The following ABCA4 variants were observed in gnomAD, a reference collection of about 807,000 sequenced individuals.
The protein encoded by ABCA4 is ATP binding cassette subfamily A member 4.
A neutral mutation model predicts 263.7 loss-of-function variants in ABCA4; 196 were observed. The observed-to-expected ratio is 0.74, with a 90% CI of 0.66 to 0.84. The LOEUF (loss-of-function observed/expected upper bound fraction) is 0.84, where lower values mean the gene tolerates loss of function less well. ABCA4 is among the 40% of genes least tolerant of loss of function. The probability of loss-of-function intolerance (pLI) is 0.00; values close to 1 mark genes in which losing one functional copy is unlikely to be tolerated. For synonymous variants in ABCA4, 1,133 were observed against 1,094.2 expected, an observed-to-expected ratio of 1.04 and a Z score of -0.70; for missense variants, 2,792 against 2,855.1, an observed-to-expected ratio of 0.98 and a Z score of 0.50.
At chr1:94,118,881 G>A (rs576346904) in intron 1 of ABCA4, among the ~76,000 whole-genome samples, 4 of 152,336 alleles carry the variant, frequency 2.6e-5, no homozygotes, top group South Asian at 4.1e-4. Flanking sequence ...CGACATGAGC[G>A]CCACAGGAAT....
chr1:94,055,095 A>G lies in ABCA4; in HGVS notation c.2587+16T>C, dbSNP rs1660935920. 2 of 1,611,644 alleles carry G rather than the reference A, an allele frequency of 1.2e-6. No individual in the cohort carries two copies. ...AAGAACTCAATTACCTTTACCCTAT[A>G]GAGGAGGATGCTTACCTGGAAACAC... is the stretch of plus-strand genomic sequence containing the variant. On this transcript the variant is annotated intron_variant, in intron 16 of 49. Coordinates refer to ENST00000370225, the MANE Select transcript of ABCA4 (RefSeq NM_000350.3).
chr1:94,093,424 A>G (rs1662030243), intron 6 of ABCA4, among the ~76,000 whole-genome samples: 1 of 152,234 alleles, frequency 6.6e-6, no homozygotes, highest in African/African-American at 2.4e-5. Context: ...TTCTGTAGAG[A>G]TAAAACATAT....
At chr1:94,053,480 T>A (rs988439002) in intron 16 of ABCA4, among the ~76,000 whole-genome samples, 1 of 152,242 alleles carries the variant, frequency 6.6e-6, no homozygotes, top group Non-Finnish European at 1.5e-5. Context: ...AGGTACCTCA[T>A]AATGTGGCCT....
At chr1:94,085,617 T>A (rs1017752347) in intron 6 of ABCA4, among the ~76,000 whole-genome samples, 18 of 152,158 alleles carry the variant, frequency 1.2e-4, no homozygotes, top group African/African-American at 4.3e-4. Context: ...TCCAGTCATG[T>A]CGCTTTCCCT....
At chr1:94,068,325 G>A (rs1344909275) in intron 11 of ABCA4, among the ~76,000 whole-genome samples, 4 of 152,188 alleles carry the variant, frequency 2.6e-5, no homozygotes, top group Non-Finnish European at 5.9e-5. Flanking sequence ...CTAGATCAAG[G>A]TAGAGCAATT....
chr1:94,055,349 C>T (rs1239464472), intron 15 of ABCA4, 34 bp from the exon 16 acceptor site: 8 of 1,606,140 alleles, frequency 5.0e-6, no homozygotes, highest in African/African-American at 1.3e-5. Flanking sequence ...AGAAAAAGAG[C>T]AGTGCCTTTT....
intron 26 of ABCA4, among the ~76,000 whole-genome samples, chr1:94,036,122 A>T (rs1660330616): frequency 6.6e-6 from 1 of 152,000 alleles, no homozygotes; most frequent in Admixed American, 6.5e-5. Flanking sequence ...CCTGGTGGAG[A>T]TGACAGGAGG....
intron 11 of ABCA4, among the ~76,000 whole-genome samples, chr1:94,068,995 T>C (rs1661341677): frequency 1.3e-5 from 2 of 152,250 alleles, no homozygotes; most frequent in African/African-American, 4.8e-5. Flanking sequence ...TGAGCCCAAG[T>C]GGCAGGACCA....
chr1:94,046,472 A>AAAAAAAAAAAG (rs1553191034), intron 19 of ABCA4, among the ~76,000 whole-genome samples: 2 of 148,728 alleles, frequency 1.3e-5, no homozygotes, highest in African/African-American at 2.4e-5. Flanking sequence ...AAAAAAAAAA[A>AAAAAAAAAAAG]AAAAGAAAAG....
intron 32 of ABCA4, among the ~76,000 whole-genome samples, chr1:94,022,752 C>T (rs2101025229): frequency 6.6e-6 from 1 of 152,300 alleles, no homozygotes; most frequent in South Asian, 2.1e-4. Flanking sequence ...TGAATCACTG[C>T]CTCACTCCTA....
chr1:94,072,971 C>A (rs946858946), intron 11 of ABCA4, among the ~76,000 whole-genome samples: 1 of 152,094 alleles, frequency 6.6e-6, no homozygotes, highest in Non-Finnish European at 1.5e-5. Context: ...GTGGTTAGGC[C>A]GCCCTCCTGG....
intron 30 of ABCA4, among the ~76,000 whole-genome samples, chr1:94,028,990 G>A (rs1330373612): frequency 6.8e-6 from 1 of 146,226 alleles, no homozygotes; most frequent in Non-Finnish European, 1.5e-5. Context: ...TCTATTTATT[G>A]ACATGGATGC....
rs145681797 is a variant in ABCA4, at chr1:94,031,118, G to C, written c.4131C>G (p.Ile1377Met). 1.9e-6 allele frequency: 3 copies of C among 1,614,082 alleles called. No individual in the cohort carries two copies. The highest frequency in any genetic ancestry group is 3.3e-5 in the Admixed American group (2 of 60,010). The change falls in exon 28 of 50, where the codon ATC becomes ATG. Residue 1377 changes from isoleucine (I) to methionine (M), a missense_variant and splice_region_variant. Coordinates refer to ENST00000370225, the MANE Select transcript of ABCA4 (RefSeq NM_000350.3). ...AAAACACAAAGGTAGCCGGGAGCAC[G>C]ATCTGTGGGAGAATAGACGTGGAAT... ...IRSHKDFLAQ[I>M]VLPATFVFLA...
intron 37 of ABCA4, 22 bp downstream of exon 37, chr1:94,015,717 G>T: frequency 1.9e-6 from 3 of 1,543,638 alleles, no homozygotes; most frequent in Non-Finnish European, 2.7e-6. Context: ...AGAGGCATTA[G>T]CTAATGGCCC....
chr1:94,046,459 A>G (rs1417663199), intron 19 of ABCA4, among the ~76,000 whole-genome samples: 1 of 44,896 alleles, frequency 2.2e-5, no homozygotes, highest in African/African-American at 5.1e-5. Context: ...CTATCTCAAA[A>G]AAAAAAAAAA....
intron 47 of ABCA4, among the ~76,000 whole-genome samples, chr1:93,999,580 G>T (rs777166051): frequency 1.3e-4 from 20 of 152,196 alleles, no homozygotes; most frequent in Admixed American, 3.9e-4. Flanking sequence ...GATGAGTGAT[G>T]GTCCACCAGA....
chr1:94,018,155 C>A (rs567260729), intron 36 of ABCA4, among the ~76,000 whole-genome samples: 1 of 152,382 alleles, frequency 6.6e-6, no homozygotes, highest in South Asian at 2.1e-4. Context: ...AGCTACATCT[C>A]TCTCCATAGG....
intron 3 of ABCA4, among the ~76,000 whole-genome samples, chr1:94,109,022 T>G (rs912676805): frequency 1.3e-5 from 2 of 152,170 alleles, no homozygotes; most frequent in Non-Finnish European, 2.9e-5. Flanking sequence ...TCCACCCGCC[T>G]CAGCCTCCCA....
At chr1:94,120,636 C>T (rs947149593) in intron 1 of ABCA4, among the ~76,000 whole-genome samples, 2 of 143,452 alleles carry the variant, frequency 1.4e-5, no homozygotes, top group Non-Finnish European at 3.0e-5. Context: ...GTTCTTCCCA[C>T]TGCTCAGCGT....
Sources: allele counts gnomAD v4.1 joint callset (sites outside exome capture counted in the v4.1 genomes callset), GRCh38; gene constraint gnomAD v4.1.1; transcripts MANE v1.5; gene names NCBI Gene and HGNC (gene_info 2026-07-23, HGNC 2026-07-21).